Variants in PHACTR4 observed in about 807,000 individuals in gnomAD.
PHACTR4 encodes the protein phosphatase and actin regulator 4.
In PHACTR4, 51 loss-of-function variants were observed where a neutral mutation model predicts 72.7. The ratio of observed to expected loss-of-function variants is 0.70; its 90% CI spans 0.56 to 0.89. The LOEUF (loss-of-function observed/expected upper bound fraction) is 0.89, where lower values mean the gene tolerates loss of function less well. Among genes scored for constraint, PHACTR4 ranks in the 40% least tolerant of loss-of-function variants. The pLI, the probability that PHACTR4 is intolerant of heterozygous loss-of-function variation, is 0.00. For missense variants in PHACTR4, 731 were observed against 861.8 expected (o/e 0.85, Z 1.90); for synonymous variants, 255 against 302.5 (o/e 0.84, Z 1.63).
chr1:28,395,875 A>G (rs1420159788), intron 1 of PHACTR4, among the ~76,000 whole-genome samples: 5 of 95,962 alleles, frequency 5.2e-5, no homozygotes, highest in African/African-American at 2.3e-4. Flanking sequence ...GTTAGCCAGG[A>G]TGGTCTCGAT....
At chr1:28,452,739 T>C (rs1337611001) in intron 2 of PHACTR4, among the ~76,000 whole-genome samples, 3 of 152,082 alleles carry the variant, frequency 2.0e-5, no homozygotes, top group Admixed American at 6.6e-5. Context: ...GAGGTTGCAG[T>C]GAGCCAAGAT....
At chr1:28,474,631 C>T (rs1024363668) in intron 7 of PHACTR4, among the ~76,000 whole-genome samples, 10 of 151,916 alleles carry the variant, frequency 6.6e-5, no homozygotes, top group Admixed American at 2.6e-4. Flanking sequence ...TAACCTCTGC[C>T]GCCCAGGTTC....
chr1:28,449,125 AGAGT>A (rs1657744736), intron 2 of PHACTR4, among the ~76,000 whole-genome samples: 1 of 152,090 alleles, frequency 6.6e-6, no homozygotes, highest in South Asian at 2.1e-4. Flanking sequence ...GCTGGGTGAA[AGAGT>A]GAGACACTGT....
chr1:28,417,493 C>T (rs1655176989), intron 2 of PHACTR4, among the ~76,000 whole-genome samples: 1 of 152,162 alleles, frequency 6.6e-6, no homozygotes, highest in Admixed American at 6.5e-5. Context: ...ACTGAGATGG[C>T]TGCTAAGTGA....
intron 2 of PHACTR4, among the ~76,000 whole-genome samples, chr1:28,421,878 G>A (rs1655531436): frequency 6.6e-6 from 1 of 152,152 alleles, no homozygotes; most frequent in South Asian, 2.1e-4. Context: ...CGGGATACAT[G>A]GCTTAATGTT....
At chr1:28,472,829 G>C (rs1173435361) in intron 6 of PHACTR4, among the ~76,000 whole-genome samples, 1 of 40,196 alleles carries the variant, frequency 2.5e-5, no homozygotes, top group Non-Finnish European at 4.6e-5. Flanking sequence ...TGTTGGCCAG[G>C]CTGGTCTCGA....
At chr1:28,495,757 C>A (rs1169109536) in intron 13 of PHACTR4, among the ~76,000 whole-genome samples, 1 of 151,850 alleles carries the variant, frequency 6.6e-6, no homozygotes, top group African/African-American at 2.4e-5. Context: ...GCTGTGACTA[C>A]AGGCACAGGC....
chr1:28,458,445 G>A (rs1316760024), intron 2 of PHACTR4, among the ~76,000 whole-genome samples: 2 of 152,206 alleles, frequency 1.3e-5, no homozygotes, highest in East Asian at 3.9e-4. Flanking sequence ...ACTGTGCTCA[G>A]CCTATGATTG....
chr1:28,426,382 G>A (rs1655846518), intron 2 of PHACTR4, among the ~76,000 whole-genome samples: 1 of 152,134 alleles, frequency 6.6e-6, no homozygotes, highest in Non-Finnish European at 1.5e-5. Flanking sequence ...TGGGAGGCCA[G>A]GCATGGTGGC....
intron 1 of PHACTR4, among the ~76,000 whole-genome samples, chr1:28,394,977 G>A (rs1295401958): frequency 6.7e-6 from 1 of 150,180 alleles, no homozygotes; most frequent in Admixed American, 6.7e-5. Flanking sequence ...ACAGTGGCAC[G>A]GTCTCAGCTC....
intron 13 of PHACTR4, among the ~76,000 whole-genome samples, chr1:28,495,491 A>T (rs915697496): frequency 6.6e-5 from 10 of 152,198 alleles, no homozygotes; most frequent in Admixed American, 4.6e-4. Flanking sequence ...AGCCTATGAC[A>T]CATGGAGATA....
chr1:28,456,721 A>G (rs2124460625), intron 2 of PHACTR4, among the ~76,000 whole-genome samples: 1 of 152,002 alleles, frequency 6.6e-6, no homozygotes, highest in South Asian at 2.1e-4. Context: ...TGCTGTAGCC[A>G]GTGTCTGTAA....
chr1:28,410,422 ACC>A (rs1268418489), intron 2 of PHACTR4, among the ~76,000 whole-genome samples: 2 of 152,168 alleles, frequency 1.3e-5, no homozygotes, highest in South Asian at 2.1e-4. Context: ...TGTACTGGAA[ACC>A]TAAGTTTTCA....
rs1660680334 is a variant in PHACTR4 at position 28,486,925 on chromosome 1, G to A, written c.1761-2245G>A. On this transcript the variant is annotated intron_variant, in intron 9 of 13. Transcript: ENST00000373839. ...CATCTCTAATTCCAGCCCTTTGGGA[G>A]GCTGAGCTGGGGGAATCACTTGAGC... Among the ~76,000 whole-genome samples the A allele has an allele frequency of 2.0e-5, 3 of 151,806 alleles. 1 individual carries two copies. In the South Asian group the frequency reaches 6.2e-4, roughly 32 times the overall value.
intron 1 of PHACTR4, among the ~76,000 whole-genome samples, chr1:28,385,241 A>G (rs1349318105): frequency 6.6e-6 from 1 of 152,010 alleles, no homozygotes; most frequent in Non-Finnish European, 1.5e-5. Context: ...TAATTTCATT[A>G]TTTACTCAAA....
At chr1:28,448,666 G>A (rs1433180757) in intron 2 of PHACTR4, among the ~76,000 whole-genome samples, 1 of 142,394 alleles carries the variant, frequency 7.0e-6, no homozygotes, top group Non-Finnish European at 1.5e-5. Context: ...GGAGGCTGAG[G>A]CAGGAGAATG....
intron 4 of PHACTR4, among the ~76,000 whole-genome samples, chr1:28,464,044 CT>C (rs74771369): frequency 9.9e-4 from 130 of 131,326 alleles, no homozygotes; most frequent in Middle Eastern, 4.0e-3. Flanking sequence ...ATAACCATTT[CT>C]TTTTTTTTTT....
intron 1 of PHACTR4, among the ~76,000 whole-genome samples, chr1:28,389,754 G>A (rs1652854794): frequency 6.6e-6 from 1 of 152,168 alleles, no homozygotes; most frequent in Admixed American, 6.6e-5. Context: ...TGGGATTACA[G>A]GCGTGAGCCA....
intron 2 of PHACTR4, among the ~76,000 whole-genome samples, chr1:28,452,372 G>A (rs1658039598): frequency 6.6e-6 from 1 of 152,174 alleles, no homozygotes; most frequent in African/African-American, 2.4e-5. Flanking sequence ...CAGGTGTGGT[G>A]GCACATGCCT....
Sources: allele counts gnomAD v4.1 joint callset (sites outside exome capture counted in the v4.1 genomes callset), GRCh38; gene constraint gnomAD v4.1.1; transcripts MANE v1.5; gene names NCBI Gene and HGNC (gene_info 2026-07-23, HGNC 2026-07-21).